The following ADAM10 variants were observed in gnomAD, a reference collection of about 807,000 sequenced individuals.
ADAM10 encodes disintegrin and metalloproteinase domain-containing protein 10.
A neutral mutation model predicts 90.1 loss-of-function variants in ADAM10; 17 were observed. The ratio of observed to expected loss-of-function variants is 0.19; its 90% CI spans 0.13 to 0.28. The LOEUF is 0.28. Among genes scored for constraint, ADAM10 ranks in the 10% least tolerant of loss-of-function variants. ADAM10 has a pLI of 1.00. For missense variants in ADAM10, 610 were observed against 914.3 expected, an observed-to-expected ratio of 0.67 and a Z score of 4.29; for synonymous variants, 310 against 298.6, an observed-to-expected ratio of 1.04 and a Z score of -0.40.
At position 58,720,653 on chromosome 15, in the gene ADAM10, A is replaced by G. The variant is rs532866819; in HGVS notation, c.56-2926T>C. Among the ~76,000 whole-genome samples the G allele has an allele frequency of 5.3e-5, 8 of 151,346 alleles. No homozygotes were observed. The South Asian group carries it at 1.0e-3, about 20-fold the overall frequency. On this transcript the variant is annotated intron_variant, in intron 1 of 15. Coordinates refer to ENST00000260408, the MANE Select transcript of ADAM10 (RefSeq NM_001110.4). ...CCTGACCTCGTGATCCGCCCACCTC[A>G]GCCTCCCAAAGTGCTGGGATTACAG...
At chr15:58,635,837 A>T (rs909238939) in intron 8 of ADAM10, among the ~76,000 whole-genome samples, 7 of 152,140 alleles carry the variant, frequency 4.6e-5, no homozygotes, top group Non-Finnish European at 8.8e-5. Flanking sequence ...CTCTGATAAT[A>T]TACATTTTTC....
In ADAM10 at chr15:58,749,618, G is replaced by A; in HGVS notation, c.-84C>T. ...CCGGAGGGAGAAGCTGAAGGGGCTT[G>A]GTCCGGAGCCTCCACGGGAAGCCGG... is the stretch of plus-strand genomic sequence containing the variant. On this transcript the variant is annotated 5_prime_UTR_variant, in exon 1 of 16. Transcript: ENST00000260408. 1.3e-6 allele frequency: 2 copies of A among 1,543,086 alleles called. No individual in the cohort carries two copies. Among genetic ancestry groups the A allele is most frequent in the Non-Finnish European group, 8.8e-7 (1 of 1,142,202 alleles).
intron 5 of ADAM10, chr15:58,655,334 T>A (rs1896781215): frequency 6.5e-6 from 1 of 153,712 alleles, no homozygotes; most frequent in South Asian, 2.0e-4. Context: ...TCTAGAGAGG[T>A]CTCAGGAAGC....
At chr15:58,636,322 CAT>C (rs1896250712) in intron 8 of ADAM10, among the ~76,000 whole-genome samples, 1 of 150,968 alleles carries the variant, frequency 6.6e-6, no homozygotes. Flanking sequence ...AGGCTAATAG[CAT>C]ATGTTGGAGT....
At chr15:58,716,129 G>A (rs553135926) in intron 2 of ADAM10, among the ~76,000 whole-genome samples, 11 of 151,920 alleles carry the variant, frequency 7.2e-5, no homozygotes, top group African/African-American at 9.7e-5. Flanking sequence ...TTTGTAATAC[G>A]GAAAATACAT....
intron 1 of ADAM10, among the ~76,000 whole-genome samples, chr15:58,730,796 T>A (rs1052295523): frequency 6.6e-6 from 1 of 152,222 alleles, no homozygotes; most frequent in Admixed American, 6.5e-5. Context: ...CACCATCCAA[T>A]TGGCTAAAGG....
chr15:58,684,252 C>T (rs1897526646), intron 2 of ADAM10, among the ~76,000 whole-genome samples: 1 of 152,092 alleles, frequency 6.6e-6, no homozygotes, highest in South Asian at 2.1e-4. Context: ...GACCTTTGTC[C>T]CCAGTTCCTG....
chr15:58,692,819 C>T (rs1271793003), intron 2 of ADAM10: 2 of 644,162 alleles, frequency 3.1e-6, no homozygotes, highest in East Asian at 4.0e-5. Context: ...CCAAATTGCC[C>T]AATCATGGAG....
At chr15:58,644,226 CTTTTTTTGTTTTT>C (rs1342597601) in intron 6 of ADAM10, among the ~76,000 whole-genome samples, 1 of 144,820 alleles carries the variant, frequency 6.9e-6, no homozygotes, top group East Asian at 2.0e-4. Context: ...TTTTTTTTTT[CTTTTTTTGTTTTT>C]TTTTTTGGAG....
intron 12 of ADAM10, chr15:58,611,392 G>C (rs1484301873): frequency 1.3e-5 from 5 of 394,320 alleles, no homozygotes; most frequent in Non-Finnish European, 2.3e-5. Flanking sequence ...ATTTTATGTT[G>C]GTTATTACGG....
At chr15:58,679,489 T>C (rs1481156555) in intron 3 of ADAM10, among the ~76,000 whole-genome samples, 1 of 152,180 alleles carries the variant, frequency 6.6e-6, no homozygotes, top group Admixed American at 6.5e-5. Context: ...CAGCAACTAG[T>C]ATTTAGTTAA....
At chr15:58,714,279 T>TTATACA (rs1898576865) in intron 2 of ADAM10, among the ~76,000 whole-genome samples, 1 of 114,396 alleles carries the variant, frequency 8.7e-6, no homozygotes, top group African/African-American at 3.9e-5. Context: ...ACTTTAATAC[T>TTATACA]TATACATACA....
At chr15:58,665,854 CTCA>C (rs1897069707) in intron 4 of ADAM10, among the ~76,000 whole-genome samples, 6 of 152,130 alleles carry the variant, frequency 3.9e-5, no homozygotes, top group South Asian at 4.1e-4. Context: ...CTGACACCAC[CTCA>C]TCATCATGAC....
rs1255804958 is a variant in ADAM10 at position 58,599,485 on chromosome 15, T to C, written c.2152+113A>G. 7 of 1,293,976 alleles carry C rather than the reference T, an allele frequency of 5.4e-6. No homozygotes were observed. The African/African-American group carries it at 7.3e-5, about 14-fold the overall frequency. 80.2% of individuals were successfully genotyped at this position (1,293,976 alleles called of 1,614,324 possible). A position where few individuals can be genotyped will look rare whatever the true frequency, so the allele number is the denominator to read the frequency against. ...TAAATCATTCATCCAATAATCCCATTCTTACGGAGAAAGTACTGTAACATT... is the reference window on the plus strand; with the variant it reads ...TAAATCATTCATCCAATAATCCCATCCTTACGGAGAAAGTACTGTAACATT... On this transcript the variant is annotated intron_variant, in intron 15 of 15. Coordinates refer to ENST00000260408, the MANE Select transcript of ADAM10 (RefSeq NM_001110.4).
chr15:58,592,689 ATTG>A lies in ADAM10; in HGVS notation c.*4855_*4857del, dbSNP rs1472349940. On this transcript the variant is annotated 3_prime_UTR_variant, in exon 16 of 16. Transcript: ENST00000260408. ...CTGAATTAAGCATGAGTCTTCTATTATTGTTTCTAATACATTCATGTGGCTGCA... is the reference window on the plus strand; with the variant it reads ...CTGAATTAAGCATGAGTCTTCTATTATTTCTAATACATTCATGTGGCTGCA... 7.3e-5 allele frequency: 11 copies of A among 151,712 alleles called. No individual in the cohort carries two copies. The highest frequency in any genetic ancestry group is 2.7e-4 in the African/African-American group (11 of 41,310). 9.4% of individuals were successfully genotyped at this position (151,712 alleles called of 1,614,324 possible).
intron 2 of ADAM10, among the ~76,000 whole-genome samples, chr15:58,705,666 A>G (rs750855810): frequency 2.0e-5 from 3 of 152,196 alleles, no homozygotes; most frequent in Admixed American, 6.5e-5. Context: ...ATGTCATTCC[A>G]TAAGTTTTCA....
At chr15:58,613,096 G>C (rs770647458) in intron 11 of ADAM10, among the ~76,000 whole-genome samples, 1 of 152,154 alleles carries the variant, frequency 6.6e-6, no homozygotes, top group African/African-American at 2.4e-5. Flanking sequence ...CCCAAAAGGC[G>C]TTGCCACTGA....
chr15:58,686,741 C>A (rs1180853628), intron 2 of ADAM10: 36 of 592,090 alleles, frequency 6.1e-5, no homozygotes, highest in Middle Eastern at 9.1e-4. Flanking sequence ...TTCCTGTGGC[C>A]CCGTCCTATA....
chr15:58,705,549 G>C (rs1427689129), intron 2 of ADAM10, among the ~76,000 whole-genome samples: 1 of 152,112 alleles, frequency 6.6e-6, no homozygotes, highest in Non-Finnish European at 1.5e-5. Flanking sequence ...GTAATAGCTG[G>C]TTTTTCTTTC....
Sources: gnomAD v4.1 joint callset for allele counts (sites outside exome capture counted in the v4.1 genomes callset) on GRCh38, gnomAD v4.1.1 for gene constraint, MANE v1.5 for transcripts, NCBI Gene and HGNC (gene_info 2026-07-23, HGNC 2026-07-21) for gene names.